SETD7: variants seen among roughly 807,000 people sequenced by gnomAD.
SETD7 encodes histone-lysine N-methyltransferase SETD7.
A neutral mutation model predicts 41.8 loss-of-function variants in SETD7; 16 were observed. The observed-to-expected ratio is 0.38, with a 90% CI of 0.26 to 0.58. SETD7 has a LOEUF of 0.58. Ranked by LOEUF, SETD7 falls within the 20% of genes least tolerant of loss-of-function variation. SETD7 has a pLI of 0.64. For synonymous variants in SETD7, 163 were observed against 169.7 expected, an observed-to-expected ratio of 0.96 and a Z score of 0.31; for missense variants, 346 against 459.7, an observed-to-expected ratio of 0.75 and a Z score of 2.26.
At chr4:139,547,815 A>C (rs1728004811) in intron 1 of SETD7, among the ~76,000 whole-genome samples, 2 of 152,214 alleles carry the variant, frequency 1.3e-5, no homozygotes, top group Admixed American at 1.3e-4. Context: ...ACTGTGTCTC[A>C]GAGGGCTTGT....
chr4:139,528,920 C>A, intron 4 of SETD7, 111 bp downstream of exon 4: 1 of 955,270 alleles, frequency 1.0e-6, no homozygotes. Flanking sequence ...GACTAATAAA[C>A]ACGATTAAAG....
chr4:139,525,807 G>A (rs1247446792), intron 4 of SETD7, among the ~76,000 whole-genome samples: 1 of 152,130 alleles, frequency 6.6e-6, no homozygotes, highest in Non-Finnish European at 1.5e-5. Flanking sequence ...ATAACTGGAA[G>A]GGGCAGAGGA....
intron 3 of SETD7, among the ~76,000 whole-genome samples, chr4:139,532,378 G>A (rs1727507942): frequency 1.3e-5 from 2 of 152,316 alleles, no homozygotes; most frequent in East Asian, 3.9e-4. Flanking sequence ...GATGGAGGTT[G>A]TAGTGAGCCA....
chr4:139,497,327 C>T (rs1179518504), intron 7 of SETD7, among the ~76,000 whole-genome samples: 1 of 151,800 alleles, frequency 6.6e-6, no homozygotes, highest in African/African-American at 2.4e-5. Context: ...TGGTGGCAGG[C>T]ACCTGTAATC....
rs575468105 is a variant in SETD7, at chr4:139,547,192, G to T, written c.41-143C>A. The T allele has an allele frequency of 2.1e-5, 21 of 1,015,880 alleles. No homozygotes were observed. The South Asian group carries it at 3.0e-4, about 14-fold the overall frequency. The allele number at this position is 1,015,880 out of a possible 1,614,324, so 62.9% of individuals were successfully genotyped here. A position where few individuals can be genotyped will look rare whatever the true frequency, so the allele number is the denominator to read the frequency against. On this transcript the variant is annotated intron_variant, in intron 1 of 7. Transcript: ENST00000274031. ...AGGGTCCCCTCCCTGGAAAGAAAGG[G>T]TAGTCAGCGTGCAAAAGTTTCTCAC... is the stretch of plus-strand genomic sequence containing the variant.
chr4:139,555,118 ATAACATC>A lies in SETD7; in HGVS notation c.40+973_40+979del, dbSNP rs540477098. ...TTCCAGTATTCGCTGTTACAAAATC[ATAACATC>A]CTATGATACAAACAACGAGATTGTA... On this transcript the variant is annotated intron_variant, in intron 1 of 7. Transcript: ENST00000274031. This position sits in a 1 kb window ranked among gnomAD's most constrained non-coding sequence, Gnocchi z 4.0. Among the ~76,000 whole-genome samples, 121 of 151,910 alleles carry A rather than the reference ATAACATC, an allele frequency of 8.0e-4. No homozygotes were observed. The highest frequency in any genetic ancestry group is 3.4e-3 in the Middle Eastern group (1 of 292).
chr4:139,499,921 TAG>T (rs1726535883), intron 7 of SETD7, among the ~76,000 whole-genome samples: 1 of 152,206 alleles, frequency 6.6e-6, no homozygotes, highest in Admixed American at 6.5e-5. Context: ...GAGGTTTTGC[TAG>T]GTTTTCCCAC....
Position 139,556,134 on chromosome 4 carries a change from C to T in SETD7, c.4G>A (p.Asp2Asn). The T allele has an allele frequency of 6.3e-7, 1 of 1,599,378 alleles. No homozygotes were observed. The highest frequency in any genetic ancestry group is 8.5e-7 in the Non-Finnish European group (1 of 1,173,676). The change falls in exon 1 of 8, where the codon GAT becomes AAT. Residue 2 changes from aspartate to asparagine, a missense_variant. Asp to Asn is a conservative substitution (Grantham distance 23). Coordinates refer to ENST00000274031, the MANE Select transcript of SETD7 (RefSeq NM_030648.4). ...TCCTCCACCATCTCGTCGTCGCTAT[C>T]CATGGCGGCTGGGGACACTGCCCAG... M[D>N]SDDEMVEEAV... is the part of the protein sequence containing the mutation.
At chr4:139,533,961 A>ATATG (rs1238029388) in intron 2 of SETD7, among the ~76,000 whole-genome samples, 131 of 147,788 alleles carry the variant, frequency 8.9e-4, no homozygotes, top group African/African-American at 3.1e-3. Flanking sequence ...GTATATCTAT[A>ATATG]TATCTATGTA....
rs539684201 is a variant in SETD7 at position 139,555,738 on chromosome 4, G to C, written c.40+360C>G. Among the ~76,000 whole-genome samples the C allele has an allele frequency of 1.3e-5, 2 of 152,136 alleles. No individual in the cohort carries two copies. Among genetic ancestry groups the C allele is most frequent in the Non-Finnish European group, 2.9e-5 (2 of 67,994 alleles). On this transcript the variant is annotated intron_variant, in intron 1 of 7. Coordinates refer to ENST00000274031, the MANE Select transcript of SETD7 (RefSeq NM_030648.4). This position sits in a 1 kb window ranked among gnomAD's most constrained non-coding sequence, Gnocchi z 4.0. ...CCGCGGAGTCCGCCGGCCTCAAGGG[G>C]CTGCCCTGCGGAGTGCACCCACCCT... is the stretch of plus-strand genomic sequence containing the variant.
At chr4:139,552,790 G>C (rs13114662) in intron 1 of SETD7, among the ~76,000 whole-genome samples, 2,301 of 152,162 alleles carry the variant, frequency 0.015, 28 homozygotes, top group Middle Eastern at 0.027. Context: ...TTTCCCCTTT[G>C]ACTTCCCTAA....
chr4:139,529,323 A>G, intron 3 of SETD7, 103 bp from the exon 4 acceptor site: 1 of 856,864 alleles, frequency 1.2e-6, no homozygotes, highest in Non-Finnish European at 1.8e-6. Context: ...ATATAGCACC[A>G]GTAGGGATAA....
chr4:139,531,695 A>T (rs1727486228), intron 3 of SETD7, among the ~76,000 whole-genome samples: 1 of 152,224 alleles, frequency 6.6e-6, no homozygotes, highest in Non-Finnish European at 1.5e-5. Context: ...TTTTAAGAAC[A>T]ATGATGTGTA....
chr4:139,522,782 C>CTTGCTCTG (rs2111137653), intron 5 of SETD7, among the ~76,000 whole-genome samples: 1 of 111,390 alleles, frequency 9.0e-6, no homozygotes, highest in African/African-American at 3.5e-5. Flanking sequence ...TAGATGGAGT[C>CTTGCTCTG]TTGCTCTGTT....
intron 2 of SETD7, chr4:139,546,592 T>C: frequency 5.5e-6 from 2 of 361,540 alleles, no homozygotes; most frequent in South Asian, 2.4e-5. Flanking sequence ...TTCAGGGAGA[T>C]GCGCTACCGG....
intron 1 of SETD7, among the ~76,000 whole-genome samples, chr4:139,553,454 A>C (rs753256592): frequency 1.3e-5 from 2 of 152,214 alleles, no homozygotes; most frequent in Non-Finnish European, 2.9e-5. Flanking sequence ...TTCCAAACTC[A>C]GTTATCAAGT....
intron 3 of SETD7, among the ~76,000 whole-genome samples, chr4:139,530,631 C>T (rs1727460160): frequency 6.6e-6 from 1 of 152,080 alleles, no homozygotes; most frequent in African/African-American, 2.4e-5. Context: ...TAATCCATGA[C>T]TAACATAAGA....
downstream of SETD7, among the ~76,000 whole-genome samples, chr4:139,503,906 G>T (rs986633772): frequency 6.6e-6 from 1 of 152,194 alleles, no homozygotes; most frequent in African/African-American, 2.4e-5. Flanking sequence ...CAGTGATAGA[G>T]GCCATAGAAG....
Position 139,506,351 on chromosome 4 carries a change from T to C in SETD7, c.*5312A>G, listed in dbSNP as rs1007395188. Reference sequence around the variant, plus strand: ...AGATGCTCGTTAACCGTGATGGGGTTAACTTTTGGTTGCAATAAATGCTGA... The same window carrying C: ...AGATGCTCGTTAACCGTGATGGGGTCAACTTTTGGTTGCAATAAATGCTGA... On this transcript the variant is annotated 3_prime_UTR_variant, in exon 8 of 8. Transcript: ENST00000274031. The C allele has an allele frequency of 8.5e-5, 13 of 152,804 alleles. No homozygotes were observed. The highest frequency in any genetic ancestry group is 2.9e-4 in the African/African-American group (12 of 41,596). 9.5% of individuals were successfully genotyped at this position (152,804 alleles called of 1,614,324 possible).
Sources: gnomAD v4.1 joint callset for allele counts (sites outside exome capture counted in the v4.1 genomes callset) on GRCh38, gnomAD v4.1.1 for gene constraint, Gnocchi (gnomAD v3.1) non-coding constraint, MANE v1.5 for transcripts, NCBI Gene and HGNC (gene_info 2026-07-23, HGNC 2026-07-21) for gene names.